MICU3: variants seen among roughly 807,000 people sequenced by gnomAD.
The protein encoded by MICU3 is mitochondrial calcium uptake 3.
In MICU3, 62 loss-of-function variants were observed where a neutral mutation model predicts 66.5. The observed-to-expected ratio is 0.93, with a 90% CI of 0.76 to 1.15. MICU3 has a LOEUF of 1.15. Among genes scored for constraint, MICU3 ranks in the 50% most tolerant of loss-of-function variants. The pLI is 0.00. For missense variants in MICU3, 779 were observed against 664.4 expected, an observed-to-expected ratio of 1.17 and a Z score of -1.90; for synonymous variants, 308 against 240.7, an observed-to-expected ratio of 1.28 and a Z score of -2.59.
chr8:17,045,315 T>C (rs1408391036), intron 1 of MICU3, among the ~76,000 whole-genome samples: 2 of 152,160 alleles, frequency 1.3e-5, no homozygotes, highest in East Asian at 3.9e-4. Flanking sequence ...CTAATCTGAT[T>C]GAAGATCATA....
At chr8:17,124,224 AATT>A (rs1803344644), downstream of MICU3, among the ~76,000 whole-genome samples, 1 of 152,200 alleles carries the variant, frequency 6.6e-6, no homozygotes, top group Non-Finnish European at 1.5e-5. Flanking sequence ...AACCTGAGTT[AATT>A]ATTATGTCAT....
chr8:17,053,173 G>C (rs545089099), intron 1 of MICU3, among the ~76,000 whole-genome samples: 1 of 151,884 alleles, frequency 6.6e-6, no homozygotes, highest in Admixed American at 6.6e-5. Flanking sequence ...TCTGTTTCAC[G>C]GTTGCTAAAA....
intron 1 of MICU3, among the ~76,000 whole-genome samples, chr8:17,034,092 C>G (rs1812558103): frequency 6.6e-6 from 1 of 152,154 alleles, no homozygotes; most frequent in Non-Finnish European, 1.5e-5. Context: ...CAGCTGGTGA[C>G]TTGAAGTTGA....
chr8:17,027,348 C>A lies in MICU3; in HGVS notation c.69C>A (p.Pro23=), dbSNP rs748523929. Reference sequence around the variant, plus strand: ...CTCCTCCACTCTGCGCTCACCAGCCCCTCCTTGGGCCGTGGGGGCGGCCTG... The same window carrying A: ...CTCCTCCACTCTGCGCTCACCAGCCACTCCTTGGGCCGTGGGGGCGGCCTG... ...RVSPPLCAHQ[P]LLGPWGRPAV... Residue 23 remains proline, a synonymous_variant, in exon 1 of 15, where the codon CCC becomes CCA. Transcript: ENST00000318063. 13 of 1,512,278 alleles carry A rather than the reference C, an allele frequency of 8.6e-6. No individual in the cohort carries two copies. Among genetic ancestry groups the A allele is most frequent in the African/African-American group, 1.4e-5 (1 of 69,436 alleles). The allele number at this position is 1,512,278 out of a possible 1,614,324, so 93.7% of individuals were successfully genotyped here.
chr8:17,099,080 C>G (rs1218899707), intron 9 of MICU3, among the ~76,000 whole-genome samples: 1 of 151,668 alleles, frequency 6.6e-6, no homozygotes, highest in Admixed American at 6.6e-5. Context: ...TATTTCAGTT[C>G]TATTACTGTT....
intron 2 of MICU3, among the ~76,000 whole-genome samples, chr8:17,067,959 A>G (rs1323231738): frequency 2.0e-5 from 3 of 152,148 alleles, no homozygotes; most frequent in Non-Finnish European, 4.4e-5. Flanking sequence ...CTTATTTTGC[A>G]TACTTAAATA....
intron 7 of MICU3, among the ~76,000 whole-genome samples, chr8:17,088,944 TC>T (rs925765238): frequency 6.6e-6 from 1 of 152,006 alleles, no homozygotes; most frequent in African/African-American, 2.4e-5. Flanking sequence ...AATTATATAA[TC>T]TAAATTATAC....
chr8:17,076,246 G>T (rs1338603348), intron 3 of MICU3, among the ~76,000 whole-genome samples: 1 of 151,988 alleles, frequency 6.6e-6, no homozygotes, highest in Non-Finnish European at 1.5e-5. Flanking sequence ...TGTTGCCCAG[G>T]CTGGTCTAAA....
intron 1 of MICU3, chr8:17,049,590 G>A: frequency 1.9e-6 from 1 of 518,586 alleles, no homozygotes; most frequent in South Asian, 1.4e-5. Flanking sequence ...AACCTAACTA[G>A]GAAGGGATGA....
intron 10 of MICU3, 23 bp from the exon 11 acceptor site, chr8:17,105,387 CCTT>C (rs1801656587): frequency 7.3e-7 from 1 of 1,373,652 alleles, no homozygotes; most frequent in African/African-American, 1.5e-5. Flanking sequence ...TTATCTTTTT[CCTT>C]CTTTATTACA....
At chr8:17,041,114 C>T (rs568684946) in intron 1 of MICU3, among the ~76,000 whole-genome samples, 7 of 152,038 alleles carry the variant, frequency 4.6e-5, no homozygotes, top group South Asian at 2.1e-4. Context: ...GGAATCATCA[C>T]GTATTAAAAA....
chr8:17,029,699 A>C (rs941878815), intron 1 of MICU3, among the ~76,000 whole-genome samples: 3 of 152,024 alleles, frequency 2.0e-5, no homozygotes, highest in Non-Finnish European at 4.4e-5. Flanking sequence ...TGGTGCTTGA[A>C]ATTTTCACAG....
intron 5 of MICU3, among the ~76,000 whole-genome samples, chr8:17,084,329 C>G (rs1821631305): frequency 6.6e-6 from 1 of 152,080 alleles, no homozygotes; most frequent in Non-Finnish European, 1.5e-5. Flanking sequence ...AACAAGTGAG[C>G]TTGCATAAAG....
the MICU3 span, among the ~76,000 whole-genome samples, chr8:17,128,702 G>C: frequency 1.3e-5 from 2 of 152,180 alleles, no homozygotes; most frequent in East Asian, 3.9e-4. Context: ...TCTGCATTCA[G>C]TGGCTTTCTT....
chr8:17,117,790 A>G (rs961581109), intron 13 of MICU3, among the ~76,000 whole-genome samples: 4 of 152,028 alleles, frequency 2.6e-5, no homozygotes, highest in South Asian at 2.1e-4. Context: ...TTGTATTTTT[A>G]GTAGAGACAG....
intron 4 of MICU3, among the ~76,000 whole-genome samples, chr8:17,081,350 T>G (rs1050820655): frequency 1.3e-5 from 2 of 152,116 alleles, no homozygotes; most frequent in Non-Finnish European, 2.9e-5. Context: ...GTTTTTTCCT[T>G]TAAGCTCTGT....
chr8:17,132,190 G>C, the MICU3 span: 1 of 152,176 alleles, frequency 6.6e-6, no homozygotes, highest in Non-Finnish European at 1.5e-5. Context: ...ATAGAAGGGA[G>C]CAAGAAGAGG....
At position 17,098,084 on chromosome 8, in the gene MICU3, A is replaced by G. The variant is rs1268463747; in HGVS notation, c.889-374A>G. Reference sequence around the variant, plus strand: ...ATAATGTATCTTTTAATAGGTTGCTACAAAGTTACCAAAATTTTTCCCAAA... The same window carrying G: ...ATAATGTATCTTTTAATAGGTTGCTGCAAAGTTACCAAAATTTTTCCCAAA... On this transcript the variant is annotated intron_variant, in intron 8 of 14. Transcript: ENST00000318063. 5.3e-5 allele frequency among the ~76,000 whole-genome samples: 8 copies of G among 151,928 alleles called. No homozygotes were observed. The East Asian group carries it at 1.4e-3, about 26-fold the overall frequency.
chr8:17,049,971 C>A lies in MICU3; in HGVS notation c.382-14113C>A, dbSNP rs79104862. The stretch of plus-strand genomic sequence containing the variant: ...TGTGACTGTTTCTATGGTAGCACCT[C>A]TAGATCTACCATACCCCTTTCCATA... On this transcript the variant is annotated intron_variant, in intron 1 of 14. Transcript: ENST00000318063. 7.9e-5 allele frequency among the ~76,000 whole-genome samples: 12 copies of A among 152,210 alleles called. No individual in the cohort carries two copies. The East Asian group carries it at 2.3e-3, about 29-fold the overall frequency.
Sources: allele counts gnomAD v4.1 joint callset (sites outside exome capture counted in the v4.1 genomes callset), GRCh38; gene constraint gnomAD v4.1.1; transcripts MANE v1.5; gene names NCBI Gene and HGNC (gene_info 2026-07-23, HGNC 2026-07-21).